DCAF8L2: variants seen among roughly 807,000 people sequenced by gnomAD.
The protein encoded by DCAF8L2 is DDB1 and CUL4 associated factor 8 like 2.
For missense variants in DCAF8L2, 430 were observed against 490.7 expected (o/e 0.88, Z 1.17); for synonymous variants, 200 against 190.9 (o/e 1.05, Z -0.39).
chrX:27,547,847 CT>C, the DCAF8L2 span, among the ~76,000 whole-genome samples: 1 of 37,700 alleles, frequency 2.7e-5, no homozygotes, highest in African/African-American at 2.2e-4. Flanking sequence ...CTCTCTCTTT[CT>C]CTCTCTCTCT....
intron 1 of DCAF8L2, among the ~76,000 whole-genome samples, chrX:27,608,189 C>G (rs941745049): frequency 9.0e-6 from 1 of 111,296 alleles, no homozygotes; most frequent in Non-Finnish European, 1.9e-5. Flanking sequence ...CGAAGCAATT[C>G]TAATTTACTT....
intron 3 of DCAF8L2, among the ~76,000 whole-genome samples, chrX:27,710,817 G>A (rs959065004): frequency 1.2e-4 from 14 of 112,121 alleles, no homozygotes; most frequent in Non-Finnish European, 2.1e-4. Flanking sequence ...TCTTGTTTCT[G>A]ACATTAGAAG....
At chrX:27,625,436 T>G (rs1181439472) in intron 1 of DCAF8L2, among the ~76,000 whole-genome samples, 1 of 112,132 alleles carries the variant, frequency 8.9e-6, no homozygotes, top group African/African-American at 3.2e-5. Context: ...TCAGCCGCTG[T>G]GGAAAGCAGT....
chrX:27,548,048 A>C, the DCAF8L2 span, among the ~76,000 whole-genome samples: 1 of 109,824 alleles, frequency 9.1e-6, no homozygotes, highest in African/African-American at 3.3e-5. Context: ...TTTATAAATA[A>C]CCCAGTCTCA....
intron 2 of DCAF8L2, among the ~76,000 whole-genome samples, chrX:27,653,790 T>A (rs1206728540): frequency 9.1e-6 from 1 of 109,707 alleles, no homozygotes; most frequent in Admixed American, 9.8e-5. Flanking sequence ...GATTTTAATG[T>A]CTCATTTTCT....
chrX:27,502,336 ATAT>A, the DCAF8L2 span, among the ~76,000 whole-genome samples: 17 of 10,894 alleles, frequency 1.6e-3, no homozygotes, highest in South Asian at 8.5e-3. Flanking sequence ...AAAAAAAAAA[ATAT>A]ATATATATAT....
At chrX:27,701,549 A>T (rs1931130116) in intron 3 of DCAF8L2, among the ~76,000 whole-genome samples, 1 of 111,637 alleles carries the variant, frequency 9.0e-6, no homozygotes, top group Non-Finnish European at 1.9e-5. Flanking sequence ...TAAATTAGAT[A>T]TAAATTACAG....
At chrX:27,491,243 T>C in the DCAF8L2 span, among the ~76,000 whole-genome samples, 1 of 112,740 alleles carries the variant, frequency 8.9e-6, no homozygotes, top group African/African-American at 3.2e-5. Flanking sequence ...ATTGTACAGA[T>C]ACTTTCCTCC....
chrX:27,525,359 C>CT, the DCAF8L2 span, among the ~76,000 whole-genome samples: 2 of 111,365 alleles, frequency 1.8e-5, no homozygotes, highest in East Asian at 2.8e-4. Flanking sequence ...CAACTCCTGC[C>CT]TTTTTTTGTT....
chrX:27,591,607 G>A (rs73549430), intron 1 of DCAF8L2, among the ~76,000 whole-genome samples: 4,368 of 111,227 alleles, frequency 0.039, 188 homozygotes, highest in African/African-American at 0.13. Flanking sequence ...CTTATAGGTA[G>A]CAAAGTTCTT....
intron 2 of DCAF8L2, among the ~76,000 whole-genome samples, chrX:27,648,557 C>T (rs1201862162): frequency 9.3e-6 from 1 of 107,054 alleles, no homozygotes; most frequent in African/African-American, 3.4e-5. Flanking sequence ...ATCTGCTTTA[C>T]TTTTTGGAAT....
chrX:27,632,040 A>G, intron 2 of DCAF8L2, 40 bp downstream of exon 2: 1 of 110,487 alleles, frequency 9.1e-6, no homozygotes. Flanking sequence ...CCTGCCCAGT[A>G]CTGGGTTTTA....
intron 3 of DCAF8L2, among the ~76,000 whole-genome samples, chrX:27,679,579 C>A (rs981544816): frequency 2.1e-4 from 23 of 110,940 alleles, no homozygotes; most frequent in African/African-American, 6.9e-4. Context: ...GGTCAGATAT[C>A]CCCATTGTTC....
At chrX:27,678,411 G>C (rs940083425) in intron 3 of DCAF8L2, among the ~76,000 whole-genome samples, 1 of 111,266 alleles carries the variant, frequency 9.0e-6, no homozygotes, top group African/African-American at 3.3e-5. Flanking sequence ...ATTCACAGTA[G>C]CCAAAAGGTG....
At chrX:27,630,378 A>G (rs902160591) in intron 1 of DCAF8L2, among the ~76,000 whole-genome samples, 1 of 111,769 alleles carries the variant, frequency 8.9e-6, no homozygotes, top group Non-Finnish European at 1.9e-5. Flanking sequence ...TCAACAATCA[A>G]AAGCCTCTGA....
At chrX:27,704,236 ACG>A (rs1401583108) in intron 3 of DCAF8L2, among the ~76,000 whole-genome samples, 2 of 87,661 alleles carry the variant, frequency 2.3e-5, no homozygotes, top group Admixed American at 1.2e-4. Context: ...GCGTGTACAC[ACG>A]TGCGCACATA....
chrX:27,484,703 T>C, the DCAF8L2 span, among the ~76,000 whole-genome samples: 1 of 111,491 alleles, frequency 9.0e-6, no homozygotes, highest in South Asian at 3.7e-4. Flanking sequence ...GTGCAAGAAA[T>C]ATTTCTATAT....
chrX:27,591,096 A>G (rs1443476609), intron 1 of DCAF8L2, among the ~76,000 whole-genome samples: 1 of 106,394 alleles, frequency 9.4e-6, no homozygotes, highest in Non-Finnish European at 1.9e-5. Flanking sequence ...TATTTGGTAT[A>G]TCATAAATGC....
the DCAF8L2 span, among the ~76,000 whole-genome samples, chrX:27,559,354 G>T: frequency 9.0e-6 from 1 of 111,571 alleles, no homozygotes; most frequent in Non-Finnish European, 1.9e-5. Flanking sequence ...GACCTTTCAG[G>T]CAGTAAAGGC....
Sources: allele counts gnomAD v4.1 joint callset (sites outside exome capture counted in the v4.1 genomes callset), GRCh38; gene constraint gnomAD v4.1.1; transcripts MANE v1.5; gene names NCBI Gene and HGNC (gene_info 2026-07-23, HGNC 2026-07-21).